NBEA: variants seen among roughly 807,000 people sequenced by gnomAD.
The protein encoded by NBEA is lysosomal-trafficking regulator 2.
NBEA carries 44 observed loss-of-function variants against 343.4 expected under a neutral mutation model. The ratio of observed to expected loss-of-function variants is 0.13; its 90% CI spans 0.10 to 0.16. NBEA has a LOEUF of 0.16. Among genes scored for constraint, NBEA ranks in the 10% least tolerant of loss-of-function variants. The pLI, the probability that NBEA is intolerant of heterozygous loss-of-function variation, is 1.00. For synonymous variants in NBEA, 1,175 were observed against 1,238.7 expected (o/e 0.95, Z 1.08); for missense variants, 2,555 against 3,631.3 (o/e 0.70, Z 7.62).
At chr13:35,320,535 C>G (rs1047214276) in intron 36 of NBEA, among the ~76,000 whole-genome samples, 2 of 152,070 alleles carry the variant, frequency 1.3e-5, no homozygotes, top group African/African-American at 2.4e-5. Flanking sequence ...ACATTTTTTC[C>G]TTCATTTCAA....
chr13:35,067,602 C>G (rs2063702221), intron 8 of NBEA, among the ~76,000 whole-genome samples: 1 of 152,062 alleles, frequency 6.6e-6, no homozygotes, highest in Non-Finnish European at 1.5e-5. Flanking sequence ...GCAGTCACTC[C>G]TCATTCTCAT....
chr13:35,322,545 A>G (rs768488409), intron 36 of NBEA, among the ~76,000 whole-genome samples: 111 of 152,302 alleles, frequency 7.3e-4, no homozygotes, highest in Non-Finnish European at 1.2e-3. Context: ...TAGGAGCTGC[A>G]GACTGGAGCT....
At chr13:35,474,940 C>T in intron 41 of NBEA, 1 of 1,184,958 alleles carries the variant, frequency 8.4e-7, no homozygotes, top group South Asian at 1.5e-5. Context: ...ATTATTATTC[C>T]TTTTTAAAGG....
Position 35,081,348 on chromosome 13 carries a change from A to G in NBEA, c.1571+10496A>G, listed in dbSNP as rs188890029. On this transcript the variant is annotated intron_variant, in intron 10 of 58. Coordinates refer to ENST00000379939, the MANE Select transcript of NBEA (RefSeq NM_001385012.1). ...ATCTTCTTTAGACACTTCCTTTGCA[A>G]TATCTTTATTAATGGGCAACCATAC... 3.4e-4 allele frequency among the ~76,000 whole-genome samples: 52 copies of G among 152,242 alleles called. 1 individual carries two copies. In the East Asian group the frequency reaches 9.4e-3, roughly 28 times the overall value.
intron 10 of NBEA, among the ~76,000 whole-genome samples, chr13:35,084,925 C>A (rs1021112173): frequency 6.6e-6 from 1 of 152,122 alleles, no homozygotes; most frequent in African/African-American, 2.4e-5. Context: ...CACAGAAATA[C>A]AATCTACCAT....
intron 23 of NBEA, 93 bp downstream of exon 23, chr13:35,162,060 T>G: frequency 9.8e-7 from 1 of 1,017,040 alleles, no homozygotes; most frequent in Non-Finnish European, 1.4e-6. Flanking sequence ...AAAATCTGCC[T>G]TGATTAAAGG....
At chr13:35,631,115 G>A (rs1488535086) in intron 49 of NBEA, among the ~76,000 whole-genome samples, 3 of 152,150 alleles carry the variant, frequency 2.0e-5, no homozygotes, top group Non-Finnish European at 4.4e-5. Context: ...AAGTGAGGCC[G>A]AGTCATTCAA....
chr13:35,586,569 C>G (rs947152699), intron 46 of NBEA, among the ~76,000 whole-genome samples: 6 of 152,142 alleles, frequency 3.9e-5, no homozygotes, highest in African/African-American at 1.4e-4. Flanking sequence ...TCCAAACATT[C>G]ACCTTAATTC....
intron 1 of NBEA, among the ~76,000 whole-genome samples, chr13:35,004,600 T>C (rs989084829): frequency 1.3e-5 from 2 of 152,238 alleles, no homozygotes; most frequent in African/African-American, 4.8e-5. Context: ...GAAGCAGTTC[T>C]TGTGGATTGG....
At chr13:35,073,215 A>G (rs544365072) in intron 10 of NBEA, among the ~76,000 whole-genome samples, 1 of 152,116 alleles carries the variant, frequency 6.6e-6, no homozygotes, top group Non-Finnish European at 1.5e-5. Flanking sequence ...ATAGAATTTT[A>G]TGTTTTATGG....
At chr13:35,313,200 C>T (rs1282566548) in intron 36 of NBEA, among the ~76,000 whole-genome samples, 5 of 152,152 alleles carry the variant, frequency 3.3e-5, no homozygotes, top group Admixed American at 3.3e-4. Flanking sequence ...CAGAGGCTCC[C>T]CTGACTATCT....
chr13:35,260,875 G>A (rs2033148526), intron 34 of NBEA, among the ~76,000 whole-genome samples: 1 of 152,170 alleles, frequency 6.6e-6, no homozygotes, highest in Non-Finnish European at 1.5e-5. Context: ...TAGTAGTAGA[G>A]TTAAATTATT....
chr13:35,262,637 C>T (rs2033309782), intron 34 of NBEA, among the ~76,000 whole-genome samples: 1 of 152,082 alleles, frequency 6.6e-6, no homozygotes, highest in Admixed American at 6.6e-5. Flanking sequence ...CAAAATCATA[C>T]TGATGAAAAT....
intron 1 of NBEA, among the ~76,000 whole-genome samples, chr13:34,943,357 G>T (rs1048011365): frequency 6.6e-6 from 1 of 152,014 alleles, no homozygotes; most frequent in East Asian, 1.9e-4. Flanking sequence ...ACTTAACACC[G>T]CTTCTTCTCA....
chr13:35,110,052 A>AATTTTTTTTTTTTTTTTTTTTTTTTT (rs1566299514), intron 12 of NBEA, among the ~76,000 whole-genome samples: 1 of 89,240 alleles, frequency 1.1e-5, no homozygotes, highest in Non-Finnish European at 2.3e-5. Context: ...TTTTTTTTTT[A>AATTTTTTTTTTTTTTTTTTTTTTTTT]AATGTTTTTT....
chr13:35,355,540 G>A (rs1269989056), intron 38 of NBEA, among the ~76,000 whole-genome samples: 4 of 152,092 alleles, frequency 2.6e-5, no homozygotes, highest in African/African-American at 7.2e-5. Context: ...GAACCTTTCC[G>A]TCATTGCAGA....
intron 16 of NBEA, among the ~76,000 whole-genome samples, chr13:35,122,435 C>G (rs2066853933): frequency 6.6e-6 from 1 of 152,082 alleles, no homozygotes; most frequent in Admixed American, 6.6e-5. Flanking sequence ...ATGGATGAAG[C>G]TGGAAACCAT....
At chr13:35,327,650 A>T (rs975023415) in intron 36 of NBEA, among the ~76,000 whole-genome samples, 1 of 151,890 alleles carries the variant, frequency 6.6e-6, no homozygotes, top group African/African-American at 2.4e-5. Context: ...AGCAGGAGAC[A>T]AGGGCTTAAA....
chr13:35,654,803 G>A (rs1190820180), intron 53 of NBEA, 52 bp from the exon 54 acceptor site: 3 of 1,470,402 alleles, frequency 2.0e-6, no homozygotes, highest in African/African-American at 1.5e-5. Context: ...TGAGTGCTTG[G>A]CAAAACTCAT....
Sources: gnomAD v4.1 joint callset for allele counts (sites outside exome capture counted in the v4.1 genomes callset) on GRCh38, gnomAD v4.1.1 for gene constraint, MANE v1.5 for transcripts, NCBI Gene and HGNC (gene_info 2026-07-23, HGNC 2026-07-21) for gene names.